The following CSAD variants were observed in gnomAD, a reference collection of about 807,000 sequenced individuals.
CSAD encodes the protein P-selectin cytoplasmic tail-associated protein.
Under a neutral mutation model 61.5 loss-of-function variants are expected in CSAD, and 47 were observed. The observed-to-expected ratio is 0.76, with a 90% confidence interval of 0.60 to 0.97. The LOEUF is 0.97. Among genes scored for constraint, CSAD ranks in the 50% least tolerant of loss-of-function variants. The probability of loss-of-function intolerance (pLI) is 0.00; values close to 1 mark genes in which losing one functional copy is unlikely to be tolerated. For missense variants in CSAD, 611 were observed against 643.6 expected, an observed-to-expected ratio of 0.95 and a Z score of 0.55; for synonymous variants, 245 against 252.7, an observed-to-expected ratio of 0.97 and a Z score of 0.29.
At position 53,159,529 on chromosome 12, in the gene CSAD, A is replaced by T. The variant is rs970933398; in HGVS notation, c.1308+94T>A. 9 of 1,004,484 alleles carry T rather than the reference A, an allele frequency of 9.0e-6. No homozygotes were observed. In the African/African-American group the frequency reaches 1.4e-4, roughly 16 times the overall value. The allele number at this position is 1,004,484 out of a possible 1,614,324, so 62.2% of individuals were successfully genotyped here. A position where few individuals can be genotyped will look rare whatever the true frequency, so the allele number is the denominator to read the frequency against. ...GCCTCAGAGCAAGAGACCAGCAAGG[A>T]GACCTGCCATGCCACTCCCAGCCAA... On this transcript the variant is annotated intron_variant, in intron 16 of 16. Coordinates refer to ENST00000444623, the MANE Select transcript of CSAD (RefSeq NM_001244705.2).
chr12:53,162,922 A>G (rs2121420840), intron 10 of CSAD, among the ~76,000 whole-genome samples: 1 of 151,718 alleles, frequency 6.6e-6, no homozygotes, highest in East Asian at 2.0e-4. Context: ...TTAGCCAGGC[A>G]TGGTGGCACA....
At chr12:53,172,772 C>T (rs1940738191) in intron 4 of CSAD, 124 bp from the exon 5 acceptor site, 1 of 1,117,350 alleles carries the variant, frequency 8.9e-7, no homozygotes, top group South Asian at 1.6e-5. Context: ...ATTTCCAAAG[C>T]AAAACTCTGA....
At chr12:53,166,720 C>G (rs1168873657) in intron 10 of CSAD, among the ~76,000 whole-genome samples, 1 of 152,116 alleles carries the variant, frequency 6.6e-6, no homozygotes, top group African/African-American at 2.4e-5. Flanking sequence ...CGCTTGAACC[C>G]AGGAGGCAGA....
intron 10 of CSAD, chr12:53,166,238 G>C (rs947724726): frequency 2.0e-5 from 3 of 152,340 alleles, no homozygotes; most frequent in Admixed American, 2.0e-4. Context: ...GCTGAGGCAG[G>C]AGAACTGCTT....
At chr12:53,171,625 C>G in intron 7 of CSAD, 184 bp from the exon 8 acceptor site, 1 of 651,704 alleles carries the variant, frequency 1.5e-6, no homozygotes. Flanking sequence ...CTTGACCACA[C>G]CTCTCCACAT....
chr12:53,172,117 C>A (rs143450549), intron 6 of CSAD, 129 bp from the exon 7 acceptor site: 210 of 739,942 alleles, frequency 2.8e-4, no homozygotes, highest in Middle Eastern at 1.1e-3. Flanking sequence ...AGGAGAAGAA[C>A]GAGTTGGTGA....
intron 6 of CSAD, among the ~76,000 whole-genome samples, 174 bp downstream of exon 6, chr12:53,172,172 T>C (rs1355579637): frequency 6.6e-6 from 1 of 152,044 alleles, no homozygotes; most frequent in African/African-American, 2.4e-5. Flanking sequence ...TCAGGAGGCC[T>C]GAGAAAGTTT....
intron 13 of CSAD, 125 bp from the exon 14 acceptor site, chr12:53,160,444 G>T (rs1259622072): frequency 2.4e-5 from 24 of 989,120 alleles, no homozygotes; most frequent in Non-Finnish European, 1.7e-5. Flanking sequence ...GGCACTGCTG[G>T]GACGGCTGCC....
intron 1 of CSAD, 144 bp from the exon 2 acceptor site, chr12:53,179,286 T>C (rs1941367550): frequency 6.4e-6 from 1 of 155,456 alleles, no homozygotes; most frequent in Non-Finnish European, 1.4e-5. Flanking sequence ...TTTTTAAATG[T>C]TAGCTGACTC....
At chr12:53,172,235 C>G in intron 6 of CSAD, 111 bp downstream of exon 6, 1 of 1,056,380 alleles carries the variant, frequency 9.5e-7, no homozygotes, top group Non-Finnish European at 1.5e-6. Flanking sequence ...GACAGGGATT[C>G]CCAGAAGCAG....
intron 2 of CSAD, among the ~76,000 whole-genome samples, chr12:53,175,697 C>G (rs1320553844): frequency 1.3e-5 from 2 of 152,178 alleles, no homozygotes; most frequent in African/African-American, 4.8e-5. Context: ...TTTGTTAAAT[C>G]AATCAATGAT....
At chr12:53,165,926 G>A (rs1357087344) in intron 10 of CSAD, among the ~76,000 whole-genome samples, 2 of 152,122 alleles carry the variant, frequency 1.3e-5, no homozygotes, top group Non-Finnish European at 2.9e-5. Context: ...GCAAAATATG[G>A]CATATATGTA....
intron 5 of CSAD, 42 bp downstream of exon 5, chr12:53,172,480 G>A (rs1022284933): frequency 2.5e-6 from 4 of 1,614,072 alleles, no homozygotes; most frequent in African/African-American, 1.3e-5. Flanking sequence ...TAGAGCTCAG[G>A]GCAAACTCCC....
At chr12:53,177,119 T>G (rs566376555) in intron 2 of CSAD, among the ~76,000 whole-genome samples, 3 of 152,348 alleles carry the variant, frequency 2.0e-5, no homozygotes, top group African/African-American at 7.2e-5. Context: ...TATATAATTT[T>G]TGTTTGTTAA....
intron 10 of CSAD, among the ~76,000 whole-genome samples, chr12:53,163,226 C>T (rs1939521160): frequency 6.6e-6 from 1 of 152,000 alleles, no homozygotes. Flanking sequence ...CAGAGTGAGG[C>T]CCTGTCTCCA....
At chr12:53,162,923 T>C (rs1212131128) in intron 10 of CSAD, among the ~76,000 whole-genome samples, 2 of 151,638 alleles carry the variant, frequency 1.3e-5, no homozygotes, top group African/African-American at 2.4e-5. Flanking sequence ...TAGCCAGGCA[T>C]GGTGGCACAT....
chr12:53,159,272 T>C (rs1458983790), intron 16 of CSAD, among the ~76,000 whole-genome samples: 6 of 152,200 alleles, frequency 3.9e-5, no homozygotes, highest in Non-Finnish European at 7.3e-5. Flanking sequence ...ACTTCTAGAC[T>C]GGCTTTCTCG....
At chr12:53,170,225 C>T in intron 9 of CSAD, 99 bp from the exon 10 acceptor site, 1 of 1,193,888 alleles carries the variant, frequency 8.4e-7, no homozygotes, top group Non-Finnish European at 1.2e-6. Context: ...GCTAGTTTTT[C>T]CCTCAGGGGG....
intron 10 of CSAD, among the ~76,000 whole-genome samples, chr12:53,165,001 A>G (rs1419238099): frequency 6.6e-6 from 1 of 152,222 alleles, no homozygotes; most frequent in Non-Finnish European, 1.5e-5. Context: ...ACCACCTCAC[A>G]CCTATTAGGA....
Sources: allele counts gnomAD v4.1 joint callset (sites outside exome capture counted in the v4.1 genomes callset), GRCh38; gene constraint gnomAD v4.1.1; transcripts MANE v1.5; gene names NCBI Gene and HGNC (gene_info 2026-07-23, HGNC 2026-07-21).